Variants in FRMPD4 observed in about 807,000 individuals in gnomAD.
FRMPD4 encodes FERM and PDZ domain-containing protein 4.
A neutral mutation model predicts 94.1 loss-of-function variants in FRMPD4; 22 were observed. The ratio of observed to expected loss-of-function variants is 0.23; its 90% CI spans 0.17 to 0.33. FRMPD4 has a LOEUF of 0.33. Among genes scored for constraint, FRMPD4 ranks in the 10% least tolerant of loss-of-function variants. The probability of loss-of-function intolerance (pLI) is 1.00; values close to 1 mark genes in which losing one functional copy is unlikely to be tolerated. For missense variants in FRMPD4, 1,111 were observed against 1,339.9 expected (o/e 0.83, Z 2.67); for synonymous variants, 631 against 548.6 (o/e 1.15, Z -2.10).
In FRMPD4 at chrX:12,452,785, T is replaced by C. The variant is rs368769960; in HGVS notation, c.42-45895T>C. On this transcript the variant is annotated intron_variant, in intron 1 of 16. Coordinates refer to ENST00000675598, the MANE Select transcript of FRMPD4 (RefSeq NM_001368397.1). ...TAAATTACCACTGATGAGACTAAAA[T>C]TGCTACTTCTAAAAACGCACTGCTG... 3.6e-5 allele frequency among the ~76,000 whole-genome samples: 4 copies of C among 111,969 alleles called. No homozygotes were observed. In the East Asian group the frequency reaches 8.4e-4, roughly 24 times the overall value.
intron 1 of FRMPD4, among the ~76,000 whole-genome samples, chrX:12,449,325 A>AT (rs758225190): frequency 1.8e-5 from 2 of 112,231 alleles, no homozygotes; most frequent in Non-Finnish European, 3.8e-5. Flanking sequence ...AAGAGTTACC[A>AT]TTTTAACTAC....
chrX:12,563,559 A>G (rs1290121628), intron 2 of FRMPD4, among the ~76,000 whole-genome samples: 1 of 112,374 alleles, frequency 8.9e-6, no homozygotes, highest in South Asian at 3.7e-4. Context: ...GTAGGACTTT[A>G]TATTACTGCC....
intron 1 of FRMPD4, among the ~76,000 whole-genome samples, chrX:12,304,470 C>A (rs1354899037): frequency 9.0e-6 from 1 of 111,355 alleles, no homozygotes; most frequent in Non-Finnish European, 1.9e-5. Flanking sequence ...CGTCTACAGA[C>A]ATTGCCTAAT....
intron 3 of FRMPD4, among the ~76,000 whole-genome samples, chrX:12,069,502 G>T (rs182150969): frequency 2.4e-3 from 269 of 111,885 alleles, no homozygotes; most frequent in Middle Eastern, 4.6e-3. Flanking sequence ...ACCAAACAGT[G>T]GATATACATC....
At chrX:12,465,360 C>T (rs1448649285) in intron 1 of FRMPD4, among the ~76,000 whole-genome samples, 1 of 111,435 alleles carries the variant, frequency 9.0e-6, no homozygotes, top group Admixed American at 9.5e-5. Flanking sequence ...CTTAGAATTG[C>T]TGATTGAAGA....
intron 3 of FRMPD4, among the ~76,000 whole-genome samples, chrX:12,126,992 C>T (rs1434418571): frequency 1.8e-5 from 2 of 112,030 alleles, no homozygotes; most frequent in African/African-American, 3.3e-5. Flanking sequence ...CTAATGGAAC[C>T]CCATTGCCTA....
intron 1 of FRMPD4, among the ~76,000 whole-genome samples, chrX:12,352,909 A>G (rs189283390): frequency 1.7e-4 from 19 of 112,359 alleles, no homozygotes; most frequent in African/African-American, 6.1e-4. Flanking sequence ...AAACTCAGGA[A>G]AGGGAGCCTG....
At chrX:12,528,106 C>A (rs2058244345) in intron 2 of FRMPD4, among the ~76,000 whole-genome samples, 1 of 111,572 alleles carries the variant, frequency 9.0e-6, no homozygotes, top group African/African-American at 3.3e-5. Flanking sequence ...TTCATTTATT[C>A]ATCCATTCAT....
At chrX:11,916,843 T>C (rs1473716168) in intron 3 of FRMPD4, among the ~76,000 whole-genome samples, 3 of 111,602 alleles carry the variant, frequency 2.7e-5, no homozygotes, top group Non-Finnish European at 5.6e-5. Flanking sequence ...CCACACCCTC[T>C]TTCTTGTCAG....
At chrX:12,602,241 T>C (rs2059091211) in intron 2 of FRMPD4, among the ~76,000 whole-genome samples, 1 of 111,789 alleles carries the variant, frequency 8.9e-6, no homozygotes, top group Admixed American at 9.5e-5. Flanking sequence ...CCTACTGAAA[T>C]TCTTGCTCTG....
intron 1 of FRMPD4, among the ~76,000 whole-genome samples, chrX:12,363,931 G>A (rs1223560404): frequency 9.0e-6 from 1 of 111,421 alleles, no homozygotes; most frequent in Non-Finnish European, 1.9e-5. Context: ...GTGATGGAGA[G>A]CACTTAGGAA....
At chrX:12,629,645 G>C (rs1323888105) in intron 4 of FRMPD4, among the ~76,000 whole-genome samples, 2 of 112,168 alleles carry the variant, frequency 1.8e-5, no homozygotes, top group African/African-American at 3.2e-5. Flanking sequence ...CCTCATCAAG[G>C]TTATTACCAG....
chrX:12,656,077 T>A (rs2059652821), intron 4 of FRMPD4, among the ~76,000 whole-genome samples: 1 of 112,565 alleles, frequency 8.9e-6, no homozygotes, highest in Admixed American at 9.4e-5. Context: ...TCAGTCATAA[T>A]GGCATTTATC....
At chrX:12,684,793 C>A (rs765903780) in intron 6 of FRMPD4, among the ~76,000 whole-genome samples, 29 of 112,414 alleles carry the variant, frequency 2.6e-4, no homozygotes, top group African/African-American at 9.0e-4. Context: ...GAATATGATT[C>A]TAGAAGCTGC....
At chrX:12,641,019 AT>A (rs146805259) in intron 4 of FRMPD4, among the ~76,000 whole-genome samples, 34 of 110,906 alleles carry the variant, frequency 3.1e-4, no homozygotes, top group Non-Finnish European at 9.4e-5. Flanking sequence ...CCTATCTCTA[AT>A]TTTTTTTAAA....
chrX:12,180,915 T>C (rs2056351205), intron 1 of FRMPD4, among the ~76,000 whole-genome samples: 1 of 112,485 alleles, frequency 8.9e-6, no homozygotes, highest in South Asian at 3.7e-4. Flanking sequence ...CAAGTTTAAA[T>C]TGAGGAAGCT....
At chrX:12,322,296 G>C (rs1175539745) in intron 1 of FRMPD4, among the ~76,000 whole-genome samples, 3 of 111,391 alleles carry the variant, frequency 2.7e-5, no homozygotes, top group Non-Finnish European at 5.6e-5. Flanking sequence ...TTCACTCAGA[G>C]AACATGCAGA....
intron 1 of FRMPD4, among the ~76,000 whole-genome samples, chrX:12,310,435 A>AT (rs372869950): frequency 9.0e-6 from 1 of 110,707 alleles, no homozygotes; most frequent in Admixed American, 9.5e-5. Context: ...CGTGCAAGTC[A>AT]AGGGGATGCG....
chrX:12,200,413 T>C (rs73190593), intron 1 of FRMPD4, among the ~76,000 whole-genome samples: 103 of 111,967 alleles, frequency 9.2e-4, no homozygotes, highest in Non-Finnish European at 1.7e-3. Context: ...ATTCACACAA[T>C]TGGAATCCTT....
Sources: allele counts gnomAD v4.1 joint callset (sites outside exome capture counted in the v4.1 genomes callset), GRCh38; gene constraint gnomAD v4.1.1; transcripts MANE v1.5; gene names NCBI Gene and HGNC (gene_info 2026-07-23, HGNC 2026-07-21).